The following C4orf36 variants were observed in gnomAD, a reference collection of about 807,000 sequenced individuals.
C4orf36 encodes chromosome 4 open reading frame 36, also known as uncharacterized protein C4orf36.
In C4orf36, 11 loss-of-function variants were observed where a neutral mutation model predicts 12.2. That is an observed-to-expected ratio of 0.90 (90% CI 0.57 to 1.49). The LOEUF (loss-of-function observed/expected upper bound fraction) is 1.49. C4orf36 is among the 40% of genes most tolerant of loss of function. The pLI, the probability that C4orf36 is intolerant of heterozygous loss-of-function variation, is 0.00. For synonymous variants in C4orf36, 54 were observed against 51.3 expected (o/e 1.05, Z -0.22); for missense variants, 137 against 133.9 (o/e 1.02, Z -0.11).
chr4:86,906,228 T>G, the C4orf36 span, among the ~76,000 whole-genome samples: 1 of 152,146 alleles, frequency 6.6e-6, no homozygotes, highest in African/African-American at 2.4e-5. Context: ...AAAATCAATG[T>G]TTATTAAAGA....
the C4orf36 span, among the ~76,000 whole-genome samples, chr4:86,903,336 C>T: frequency 0.06 from 9,144 of 152,222 alleles, 384 homozygotes; most frequent in Non-Finnish European, 0.095. Flanking sequence ...ATGATGAAAC[C>T]CCCTATCTAC....
chr4:86,897,017 G>A (rs75237672), upstream of C4orf36, among the ~76,000 whole-genome samples: 7 of 152,230 alleles, frequency 4.6e-5, no homozygotes, highest in East Asian at 1.4e-3. Flanking sequence ...GATTAAGGGG[G>A]AAGAAACTAA....
chr4:86,891,254 A>G lies in C4orf36; in HGVS notation c.65+202T>C, dbSNP rs186561469. Among the ~76,000 whole-genome samples the G allele has an allele frequency of 2.6e-3, 398 of 150,692 alleles. 1 individual carries two copies. The highest frequency in any genetic ancestry group is 9.0e-3 in the African/African-American group (371 of 41,040). ...TTCTCACTTGAAAGTGTTGTGTTGT[A>G]AAGACCAAGTAAGATAATTAACTTA... On this transcript the variant is annotated intron_variant, in intron 2 of 4. Transcript: ENST00000295898.
At chr4:86,905,335 A>T in the C4orf36 span, among the ~76,000 whole-genome samples, 2 of 151,674 alleles carry the variant, frequency 1.3e-5, no homozygotes, top group East Asian at 3.9e-4. Flanking sequence ...GTGAGCCGAG[A>T]TCACACCACT....
the C4orf36 span, among the ~76,000 whole-genome samples, chr4:86,911,035 A>G: frequency 4.6e-5 from 7 of 152,188 alleles, no homozygotes; most frequent in African/African-American, 1.7e-4. Context: ...GTGGGCCAAG[A>G]TCATGCCACT....
chr4:86,906,458 T>C, the C4orf36 span, among the ~76,000 whole-genome samples: 1 of 152,160 alleles, frequency 6.6e-6, no homozygotes, highest in African/African-American at 2.4e-5. Context: ...CCAGGCATGG[T>C]GGCTTAGGCC....
At chr4:86,876,795 AG>A in intron 4 of C4orf36, 2 of 1,326,222 alleles carry the variant, frequency 1.5e-6, no homozygotes. Flanking sequence ...ATAAAAAAAA[AG>A]AGATTTTCTC....
chr4:86,887,862 C>T lies in C4orf36; in HGVS notation c.252G>A (p.Lys84=), dbSNP rs375244473. Residue 84 remains lysine (K), a synonymous_variant, in exon 4 of 5, where the codon AAG becomes AAA. Transcript: ENST00000295898. ...CTTGACACTTCAGTTTACAAAGACG[C>T]TTCACTTCATACTCCCTTTCGAGTT... ...SIKLEREYEV[K]RLCKLKCQEN... is the part of the protein sequence containing the mutation. 9.9e-6 allele frequency: 16 copies of T among 1,614,050 alleles called. 1 individual carries two copies. Among genetic ancestry groups the T allele is most frequent in the Non-Finnish European group, 8.5e-7 (1 of 1,180,006 alleles).
rs1560471171 is a variant in C4orf36, at chr4:86,884,298, A to ACTTTTTTTTTT, written c.*2+3459_*2+3460insAAAAAAAAAAG. 6.4e-5 allele frequency among the ~76,000 whole-genome samples: 8 copies of ACTTTTTTTTTT among 125,250 alleles called. 3 individuals carry two copies. The highest frequency in any genetic ancestry group is 1.0e-4 in the Non-Finnish European group (6 of 59,620). The allele number at this position is 125,250 out of a possible 152,430, so 82.2% of individuals were successfully genotyped here. On this transcript the variant is annotated intron_variant, in intron 4 of 4. Coordinates refer to ENST00000295898, the MANE Select transcript of C4orf36 (RefSeq NM_144645.4). ...AAATTAGGCAGAAGGAAAAAGACTG[A>ACTTTTTTTTTT]ATTTTTTTTTTTTTTTTTTTTTTTG...
intron 4 of C4orf36, among the ~76,000 whole-genome samples, chr4:86,878,618 G>A (rs1410092502): frequency 1.3e-5 from 2 of 152,186 alleles, no homozygotes; most frequent in African/African-American, 4.8e-5. Context: ...GCACAAGGTG[G>A]CACAACCAGG....
the C4orf36 span, chr4:86,913,453 C>T: frequency 1.3e-6 from 1 of 759,866 alleles, no homozygotes. Flanking sequence ...GTCCATGTTG[C>T]AAAAGCATTC....
the C4orf36 span, chr4:86,914,364 A>ACC: frequency 1.2e-6 from 1 of 825,200 alleles, no homozygotes; most frequent in South Asian, 1.9e-5. Context: ...ATGAGCTTTC[A>ACC]CCCCCCGGCT....
At chr4:86,921,285 A>G in the C4orf36 span, among the ~76,000 whole-genome samples, 1 of 149,228 alleles carries the variant, frequency 6.7e-6, no homozygotes, top group East Asian at 2.0e-4. Context: ...AGAGGCTGGA[A>G]TATTAAGACT....
the C4orf36 span, chr4:86,926,456 T>C: frequency 6.6e-6 from 1 of 152,078 alleles, no homozygotes; most frequent in Non-Finnish European, 1.5e-5. Flanking sequence ...TTAACACACT[T>C]CCCCTAGCAA....
chr4:86,935,224 A>T, the C4orf36 span: 1 of 152,322 alleles, frequency 6.6e-6, no homozygotes, highest in Non-Finnish European at 1.5e-5. Flanking sequence ...GGACTAGAGG[A>T]CGGAAGGGTC....
chr4:86,934,499 C>T, the C4orf36 span: 1 of 152,190 alleles, frequency 6.6e-6, no homozygotes, highest in East Asian at 1.9e-4. Context: ...TTCGGCGCTT[C>T]CGTTTCATTA....
the C4orf36 span, chr4:86,913,502 G>A: frequency 5.0e-6 from 4 of 805,778 alleles, no homozygotes; most frequent in African/African-American, 1.7e-5. Context: ...GTTTTGGAAC[G>A]TCCAACCTGG....
In C4orf36 at chr4:86,887,773, A is replaced by G; in HGVS notation, c.341T>C (p.Leu114Pro). 1 of 1,614,266 alleles carries G rather than the reference A, an allele frequency of 6.2e-7. No individual in the cohort carries two copies. Among genetic ancestry groups the G allele is most frequent in the Non-Finnish European group, 8.5e-7 (1 of 1,180,044 alleles). Residue 114 changes from leucine to proline, a missense_variant, in exon 4 of 5, where the codon CTT (leucine) becomes CCT (proline). Leu to Pro is a moderately conservative substitution (Grantham distance 98, BLOSUM62 -3). Transcript: ENST00000295898. The part of the protein sequence containing the change: ...RERPAGLRRP[L>P]PSK Reference sequence around the variant, plus strand: ...ATGAACTGACTGTCATTTAGATGGAAGAGGTCTTCTCAAACCGGCTGGCCT... The same window carrying G: ...ATGAACTGACTGTCATTTAGATGGAGGAGGTCTTCTCAAACCGGCTGGCCT...
chr4:86,933,818 C>T, the C4orf36 span, among the ~76,000 whole-genome samples: 1 of 152,222 alleles, frequency 6.6e-6, no homozygotes, highest in Non-Finnish European at 1.5e-5. Context: ...AGATACACCA[C>T]CAGGTTTCAT....
Sources: gnomAD v4.1 joint callset for allele counts (sites outside exome capture counted in the v4.1 genomes callset) on GRCh38, gnomAD v4.1.1 for gene constraint, MANE v1.5 for transcripts, NCBI Gene and HGNC (gene_info 2026-07-23, HGNC 2026-07-21) for gene names.